CREBL2: variants seen among roughly 807,000 people sequenced by gnomAD.
The protein encoded by CREBL2 is cAMP-responsive element-binding protein-like 2.
A neutral mutation model predicts 19.5 loss-of-function variants in CREBL2; 4 were observed. That is an observed-to-expected ratio of 0.20 (90% CI 0.10 to 0.47). The LOEUF (loss-of-function observed/expected upper bound fraction) is 0.47. Among genes scored for constraint, CREBL2 ranks in the 20% least tolerant of loss-of-function variants. The pLI, the probability that CREBL2 is intolerant of heterozygous loss-of-function variation, is 0.98. For synonymous variants in CREBL2, 42 were observed against 46.6 expected, an observed-to-expected ratio of 0.90 and a Z score of 0.40; for missense variants, 85 against 145.1, an observed-to-expected ratio of 0.59 and a Z score of 2.13.
At chr12:12,627,673 G>A (rs1045506501) in intron 1 of CREBL2, among the ~76,000 whole-genome samples, 2 of 152,170 alleles carry the variant, frequency 1.3e-5, no homozygotes, top group African/African-American at 4.8e-5. Flanking sequence ...ATGAGTAATG[G>A]TGCTGTGAAC....
chr12:12,624,648 TC>T (rs1308436598), intron 1 of CREBL2, among the ~76,000 whole-genome samples: 2 of 152,154 alleles, frequency 1.3e-5, no homozygotes, highest in Non-Finnish European at 2.9e-5. Context: ...GCCTGAGACT[TC>T]CGAAGCCCCA....
rs1592244385 is a variant in CREBL2 at position 12,644,457 on chromosome 12, CAGAGT to C, written c.*2461_*2465del. On this transcript the variant is annotated 3_prime_UTR_variant, in exon 4 of 4. Coordinates refer to ENST00000228865, the MANE Select transcript of CREBL2 (RefSeq NM_001310.4). The stretch of plus-strand genomic sequence containing the variant: ...CTGCTCTCCTTGCTTTCTGAGTAAA[CAGAGT>C]AATGTTTTTTTTCTTATTTTCCCAA... 2.6e-5 allele frequency: 4 copies of C among 152,548 alleles called. No individual in the cohort carries two copies. Among genetic ancestry groups the C allele is most frequent in the African/African-American group, 7.2e-5 (3 of 41,494 alleles). The allele number at this position is 152,548 out of a possible 1,614,324, so 9.4% of individuals were successfully genotyped here. A position where few individuals can be genotyped will look rare whatever the true frequency, so the allele number is the denominator to read the frequency against.
At chr12:12,615,435 G>A (rs1411497966) in intron 1 of CREBL2, 2 of 151,366 alleles carry the variant, frequency 1.3e-5, no homozygotes, top group Non-Finnish European at 2.9e-5. Flanking sequence ...GACCTCAGGT[G>A]ATCTGTGTAA....
Position 12,641,250 on chromosome 12 carries a change from A to ATTTTTTTTTTTTTTTTTTTTTT in CREBL2, c.359-742_359-741insTTTTTTTTTTTTTTTTTTTTTT, listed in dbSNP as rs1248375488. On this transcript the variant is annotated intron_variant, in intron 3 of 3. Coordinates refer to ENST00000228865, the MANE Select transcript of CREBL2 (RefSeq NM_001310.4). Reference sequence around the variant, plus strand: ...CTTTATTATTATTATTATTATTATTATTATTTTTTTTTATTTTTTTTTTTT... The same window carrying ATTTTTTTTTTTTTTTTTTTTTT: ...CTTTATTATTATTATTATTATTATTATTTTTTTTTTTTTTTTTTTTTTTTATTTTTTTTTATTTTTTTTTTTT... 1.9e-4 allele frequency among the ~76,000 whole-genome samples: 11 copies of ATTTTTTTTTTTTTTTTTTTTTT among 58,016 alleles called. 3 individuals are homozygous for ATTTTTTTTTTTTTTTTTTTTTT. Among genetic ancestry groups the ATTTTTTTTTTTTTTTTTTTTTT allele is most frequent in the East Asian group, 4.0e-4 (1 of 2,486 alleles). 38.1% of individuals were successfully genotyped at this position (58,016 alleles called of 152,430 possible). A position where few individuals can be genotyped will look rare whatever the true frequency, so the allele number is the denominator to read the frequency against.
In CREBL2 at chr12:12,643,338, G is replaced by T. The variant is rs1945540065; in HGVS notation, c.*1340G>T. The T allele has an allele frequency of 1.3e-5, 2 of 152,586 alleles. No individual in the cohort carries two copies. The highest frequency in any genetic ancestry group is 4.8e-5 in the African/African-American group (2 of 41,454). 9.5% of individuals were successfully genotyped at this position (152,586 alleles called of 1,614,324 possible). A position where few individuals can be genotyped will look rare whatever the true frequency, so the allele number is the denominator to read the frequency against. On this transcript the variant is annotated 3_prime_UTR_variant, in exon 4 of 4. Coordinates refer to ENST00000228865, the MANE Select transcript of CREBL2 (RefSeq NM_001310.4). ...ACCCAGACAGACCCAGAAATCTTTT[G>T]ATTTCCCCAGCGAGATACTTACCAC...
rs201587718 is a variant in CREBL2, at chr12:12,636,411, A to ATTTTTAT, written c.213+457_213+463dup. ...TGTGTTTAAGTGACTTTATTTATTT[A>ATTTTTAT]TTTTTATTTTTTATTTTTTATTTTT... On this transcript the variant is annotated intron_variant, in intron 2 of 3. Transcript: ENST00000228865. Among the ~76,000 whole-genome samples, 23 of 152,072 alleles carry ATTTTTAT rather than the reference A, an allele frequency of 1.5e-4. No individual in the cohort carries two copies. In the East Asian group the frequency reaches 3.5e-3, roughly 23 times the overall value.
chr12:12,618,864 C>A (rs1945337236), intron 1 of CREBL2, among the ~76,000 whole-genome samples: 1 of 152,236 alleles, frequency 6.6e-6, no homozygotes, highest in Admixed American at 6.5e-5. Flanking sequence ...ACAGCGAAAC[C>A]CCGTCTCCAC....
chr12:12,622,958 T>G (rs1945371400), intron 1 of CREBL2, among the ~76,000 whole-genome samples: 1 of 152,198 alleles, frequency 6.6e-6, no homozygotes, highest in Non-Finnish European at 1.5e-5. Flanking sequence ...TCTCTTAACT[T>G]TAACAACTTG....
intron 1 of CREBL2, among the ~76,000 whole-genome samples, chr12:12,617,871 CTT>C (rs1226328619): frequency 6.0e-5 from 9 of 150,852 alleles, no homozygotes; most frequent in Non-Finnish European, 1.3e-4. Context: ...GGTGATGACT[CTT>C]AACGAGCATG....
chr12:12,633,037 G>C (rs1363881084), intron 1 of CREBL2, among the ~76,000 whole-genome samples: 1 of 151,310 alleles, frequency 6.6e-6, no homozygotes, highest in Non-Finnish European at 1.5e-5. Flanking sequence ...ACGTTCAAGC[G>C]ATTCTCCTGC....
intron 1 of CREBL2, among the ~76,000 whole-genome samples, chr12:12,621,257 G>A (rs1263691525): frequency 6.6e-6 from 1 of 152,180 alleles, no homozygotes; most frequent in Non-Finnish European, 1.5e-5. Context: ...AGTGGCTCAC[G>A]CCTGTAATCC....
rs183352518 is a variant in CREBL2, at chr12:12,629,748, T to C, written c.16-6029T>C. On this transcript the variant is annotated intron_variant, in intron 1 of 3. Transcript: ENST00000228865. ...TAAGATGTTAGCTGTGGGTTTTTTG[T>C]AGATGTCCATTATCAGATTGGGGAA... 5.6e-4 allele frequency among the ~76,000 whole-genome samples: 85 copies of C among 152,314 alleles called. 1 individual carries two copies. Among genetic ancestry groups the C allele is most frequent in the African/African-American group, 2.0e-3 (83 of 41,584 alleles).
rs758275338 is a variant in CREBL2, at chr12:12,637,753, T to A, written c.358+39T>A. On this transcript the variant is annotated intron_variant, in intron 3 of 3. Transcript: ENST00000228865. The stretch of plus-strand genomic sequence containing the variant: ...ATGGGAGAATTTATATTTAAGAGAG[T>A]GTCTCGGTTGGGCGCAGTGGCTCAT... The A allele has an allele frequency of 9.6e-6, 15 of 1,570,646 alleles. No individual in the cohort carries two copies. The South Asian group carries it at 1.7e-4, about 18-fold the overall frequency.
rs577165031 is a variant in CREBL2, at chr12:12,628,933, C to T, written c.16-6844C>T. ...TTGTCAAAAATCAATTGACCATAAA[C>T]GTAAGGATTTATTTCTGGATTCTCT... On this transcript the variant is annotated intron_variant, in intron 1 of 3. Coordinates refer to ENST00000228865, the MANE Select transcript of CREBL2 (RefSeq NM_001310.4). 4.6e-5 allele frequency among the ~76,000 whole-genome samples: 7 copies of T among 152,314 alleles called. No homozygotes were observed. The East Asian group carries it at 5.8e-4, about 13-fold the overall frequency.
chr12:12,642,072 A>C lies in CREBL2; in HGVS notation c.*74A>C. ...ATGGAAGATGGATGGGCAAGAGTGT[A>C]CTTCTTGGCTCCATTTACTACCTAC... On this transcript the variant is annotated 3_prime_UTR_variant, in exon 4 of 4. Transcript: ENST00000228865. The C allele has an allele frequency of 1.7e-6, 2 of 1,211,596 alleles. No homozygotes were observed. Among genetic ancestry groups the C allele is most frequent in the Non-Finnish European group, 2.4e-6 (2 of 842,804 alleles). 75.1% of individuals were successfully genotyped at this position (1,211,596 alleles called of 1,614,324 possible). A position where few individuals can be genotyped will look rare whatever the true frequency, so the allele number is the denominator to read the frequency against.
intron 1 of CREBL2, among the ~76,000 whole-genome samples, chr12:12,634,766 C>G (rs2136305759): frequency 6.6e-6 from 1 of 152,230 alleles, no homozygotes; most frequent in South Asian, 2.1e-4. Flanking sequence ...ATAAAAACTT[C>G]TTCATGAGTC....
intron 1 of CREBL2, among the ~76,000 whole-genome samples, chr12:12,617,857 G>A (rs1592237271): frequency 6.6e-6 from 1 of 150,414 alleles, no homozygotes. Context: ...TGAGATTAGG[G>A]AATGGTGATG....
chr12:12,639,773 C>T (rs2136307708), intron 3 of CREBL2, among the ~76,000 whole-genome samples: 1 of 152,308 alleles, frequency 6.6e-6, no homozygotes. Context: ...AATTTTACAG[C>T]TGGGCCGCCA....
intron 1 of CREBL2, among the ~76,000 whole-genome samples, chr12:12,624,830 C>A (rs1055614701): frequency 3.3e-5 from 5 of 152,160 alleles, no homozygotes; most frequent in Non-Finnish European, 5.9e-5. Context: ...AAGCTCTTAT[C>A]CAGCGTCCAG....
Sources: allele counts gnomAD v4.1 joint callset (sites outside exome capture counted in the v4.1 genomes callset), GRCh38; gene constraint gnomAD v4.1.1; transcripts MANE v1.5; gene names NCBI Gene and HGNC (gene_info 2026-07-23, HGNC 2026-07-21).